The following SATL1 variants were observed in gnomAD, a reference collection of about 807,000 sequenced individuals.
The protein encoded by SATL1 is spermidine/spermine N(1)-acetyltransferase-like protein 1.
SATL1 carries 47 observed loss-of-function variants against 51.8 expected under a neutral mutation model. The observed-to-expected ratio is 0.91, with a 90% CI of 0.72 to 1.16. The LOEUF (loss-of-function observed/expected upper bound fraction) is 1.16. Ranked by LOEUF, SATL1 falls within the 50% of genes most tolerant of loss-of-function variation. The pLI is 0.00. For missense variants in SATL1, 520 were observed against 526.4 expected, an observed-to-expected ratio of 0.99 and a Z score of 0.12; for synonymous variants, 176 against 182.4, an observed-to-expected ratio of 0.97 and a Z score of 0.28.
At chrX:85,153,109 A>C (rs1397076041) in intron 2 of SATL1, among the ~76,000 whole-genome samples, 2 of 111,249 alleles carry the variant, frequency 1.8e-5, no homozygotes, top group Non-Finnish European at 3.8e-5. Context: ...TTTTATAAAA[A>C]CACTAGAAGT....
chrX:85,142,472 A>T (rs1020355420), intron 2 of SATL1: 1 of 110,713 alleles, frequency 9.0e-6, no homozygotes, highest in African/African-American at 3.3e-5. Context: ...AGCTGGGTAG[A>T]TAAAAAATTA....
At position 85,180,670 on chromosome X, in the gene SATL1, A is replaced by T. The variant is rs746687086; in HGVS notation, c.-313+43535T>A. Among the ~76,000 whole-genome samples the T allele has an allele frequency of 3.6e-5, 4 of 111,324 alleles. No homozygotes were observed. The South Asian group carries it at 1.1e-3, about 31-fold the overall frequency. On this transcript the variant is annotated intron_variant, in intron 2 of 7. Coordinates refer to ENST00000644105, the MANE Select transcript of SATL1 (RefSeq NM_001367857.2). ...ATAATTTTCATTTATTGCAAATTTG[A>T]TTCCTGTTACAAATTGTATTCCAAT...
At chrX:85,122,281 G>A (rs1458663240) in intron 2 of SATL1, among the ~76,000 whole-genome samples, 1 of 111,331 alleles carries the variant, frequency 9.0e-6, no homozygotes, top group Non-Finnish European at 1.9e-5. Flanking sequence ...TTGCACCCTT[G>A]TTCTTCTATA....
chrX:85,092,624 A>ATATTT, intron 7 of SATL1, 63 bp from the exon 8 acceptor site: 1 of 1,021,706 alleles, frequency 9.8e-7, no homozygotes, highest in Non-Finnish European at 1.3e-6. Context: ...GTTAACACAT[A>ATATTT]TATTTTATTG....
At chrX:85,149,738 CA>C (rs200353608) in intron 2 of SATL1, among the ~76,000 whole-genome samples, 3,074 of 111,100 alleles carry the variant, frequency 0.028, 129 homozygotes, top group African/African-American at 0.096. Flanking sequence ...GAAATGAAGG[CA>C]GAAATAAAGA....
intron 2 of SATL1, among the ~76,000 whole-genome samples, chrX:85,163,843 G>A (rs1474063817): frequency 8.9e-6 from 1 of 111,817 alleles, no homozygotes; most frequent in Non-Finnish European, 1.9e-5. Flanking sequence ...CCTGTCTAAT[G>A]CTGTCAGTGG....
intron 1 of SATL1, among the ~76,000 whole-genome samples, chrX:85,237,172 T>C (rs1357037318): frequency 1.8e-5 from 2 of 111,036 alleles, no homozygotes; most frequent in Admixed American, 9.5e-5. Context: ...TAATCCATGC[T>C]TGTTAGGATT....
chrX:85,142,995 A>T (rs1926146407), intron 2 of SATL1: 1 of 110,863 alleles, frequency 9.0e-6, no homozygotes, highest in African/African-American at 3.3e-5. Context: ...ATGTCCTCAG[A>T]TGATTGTTCA....
At chrX:85,221,379 A>T (rs1928175026) in intron 2 of SATL1, among the ~76,000 whole-genome samples, 1 of 112,213 alleles carries the variant, frequency 8.9e-6, no homozygotes, top group South Asian at 3.7e-4. Context: ...TCCCATGTAC[A>T]AATGAGGAAA....
intron 2 of SATL1, among the ~76,000 whole-genome samples, chrX:85,163,971 G>A (rs1211394732): frequency 8.9e-6 from 1 of 111,888 alleles, no homozygotes; most frequent in African/African-American, 3.2e-5. Context: ...TTAGGACTGT[G>A]ATATTTTCCT....
At chrX:85,190,013 C>T (rs987346009) in intron 2 of SATL1, among the ~76,000 whole-genome samples, 1 of 111,774 alleles carries the variant, frequency 8.9e-6, no homozygotes, top group African/African-American at 3.2e-5. Flanking sequence ...CTTTCTCAGT[C>T]TGTACAGTTA....
intron 2 of SATL1, among the ~76,000 whole-genome samples, chrX:85,166,002 G>A (rs970385339): frequency 6.3e-5 from 7 of 111,089 alleles, no homozygotes; most frequent in African/African-American, 2.3e-4. Flanking sequence ...TCTTCAACAA[G>A]ACATACAAAA....
chrX:85,118,287 A>G (rs964742909), intron 2 of SATL1: 1 of 108,916 alleles, frequency 9.2e-6, no homozygotes, highest in African/African-American at 3.3e-5. Flanking sequence ...ATTTGGTGCT[A>G]TCTGGAAATA....
intron 2 of SATL1, among the ~76,000 whole-genome samples, chrX:85,202,078 A>C (rs1000593161): frequency 8.9e-6 from 1 of 111,898 alleles, no homozygotes; most frequent in East Asian, 2.8e-4. Flanking sequence ...CACTCCCACC[A>C]CAGTGTATAA....
chrX:85,099,871 G>C (rs972118244), intron 4 of SATL1, among the ~76,000 whole-genome samples: 5 of 112,224 alleles, frequency 4.5e-5, no homozygotes, highest in Non-Finnish European at 7.5e-5. Flanking sequence ...ACATTGTACT[G>C]GAAGTTATGG....
At chrX:85,236,818 A>T (rs1303387048) in intron 1 of SATL1, among the ~76,000 whole-genome samples, 1 of 111,551 alleles carries the variant, frequency 9.0e-6, no homozygotes, top group Non-Finnish European at 1.9e-5. Flanking sequence ...CATTCAACAT[A>T]GTACTGGAAG....
At chrX:85,139,762 C>A (rs766351439) in intron 2 of SATL1, among the ~76,000 whole-genome samples, 24 of 111,707 alleles carry the variant, frequency 2.1e-4, no homozygotes, top group Admixed American at 1.3e-3. Flanking sequence ...GTAAAGTATA[C>A]TATGCCTTTT....
intron 2 of SATL1, among the ~76,000 whole-genome samples, chrX:85,165,731 T>C (rs1189517914): frequency 8.9e-6 from 1 of 111,856 alleles, no homozygotes; most frequent in African/African-American, 3.3e-5. Context: ...TTTTATCCCA[T>C]GGGGTGATCC....
At chrX:85,200,175 T>C (rs926125467) in intron 2 of SATL1, among the ~76,000 whole-genome samples, 4 of 111,398 alleles carry the variant, frequency 3.6e-5, no homozygotes, top group Non-Finnish European at 7.5e-5. Flanking sequence ...TTTAAAGTAA[T>C]TCATATGTGT....
Sources: gnomAD v4.1 joint callset for allele counts (sites outside exome capture counted in the v4.1 genomes callset) on GRCh38, gnomAD v4.1.1 for gene constraint, MANE v1.5 for transcripts, NCBI Gene and HGNC (gene_info 2026-07-23, HGNC 2026-07-21) for gene names.